The following VSNL1 variants were observed in gnomAD, a reference collection of about 807,000 sequenced individuals.
VSNL1 encodes visinin like 1.
Under a neutral mutation model 20.4 loss-of-function variants are expected in VSNL1, and 6 were observed. The observed-to-expected ratio is 0.29, with a 90% CI of 0.16 to 0.58. The LOEUF (loss-of-function observed/expected upper bound fraction) is 0.58. Ranked by LOEUF, VSNL1 falls within the 20% of genes least tolerant of loss-of-function variation. The pLI is 0.90. For synonymous variants in VSNL1, 93 were observed against 86.4 expected (o/e 1.08, Z -0.42); for missense variants, 100 against 234.5 (o/e 0.43, Z 3.75).
At chr2:17,582,061 T>A (rs1156568904) in intron 1 of VSNL1, among the ~76,000 whole-genome samples, 1 of 152,146 alleles carries the variant, frequency 6.6e-6, no homozygotes. Context: ...CATCTTGAAA[T>A]ATCAGTGGGA....
intron 1 of VSNL1, among the ~76,000 whole-genome samples, chr2:17,558,079 A>G (rs1663731048): frequency 6.6e-6 from 1 of 152,204 alleles, no homozygotes. Flanking sequence ...TAGGAATTAG[A>G]TAGACAAAGG....
chr2:17,621,202 T>TCTTC (rs1665346872), intron 2 of VSNL1, among the ~76,000 whole-genome samples: 1 of 152,022 alleles, frequency 6.6e-6, no homozygotes, highest in African/African-American at 2.4e-5. Flanking sequence ...ATCAACAGTT[T>TCTTC]CTTCCTTCCT....
chr2:17,561,100 AAGAT>A (rs1663802779), intron 1 of VSNL1, among the ~76,000 whole-genome samples: 1 of 152,228 alleles, frequency 6.6e-6, no homozygotes, highest in Non-Finnish European at 1.5e-5. Flanking sequence ...TACTGGAAAA[AAGAT>A]AGAAACAAAA....
In VSNL1 at chr2:17,649,976, C is replaced by T. The variant is rs556341751; in HGVS notation, c.378+351C>T. Among the ~76,000 whole-genome samples, 3 of 152,286 alleles carry T rather than the reference C, an allele frequency of 2.0e-5. No individual in the cohort carries two copies. Among genetic ancestry groups the T allele is most frequent in the South Asian group, 2.1e-4 (1 of 4,826 alleles). On this transcript the variant is annotated intron_variant, in intron 3 of 3. Transcript: ENST00000295156. The surrounding 1 kb of genome is among the most constrained non-coding windows in gnomAD (Gnocchi z 6.4). ...ACTCCAGCTGCGCCTAGTGGGGACC[C>T]GAGGCTGTCAGGGGCTCCCGGGACA...
intron 2 of VSNL1, among the ~76,000 whole-genome samples, chr2:17,639,916 CA>C (rs572021055): frequency 2.3e-3 from 349 of 152,324 alleles, no homozygotes; most frequent in African/African-American, 7.8e-3. Context: ...GGTCCCAGCC[CA>C]GCAGCCAATT....
At chr2:17,545,247 G>A (rs1463910193) in intron 1 of VSNL1, among the ~76,000 whole-genome samples, 1 of 151,798 alleles carries the variant, frequency 6.6e-6, no homozygotes, top group Non-Finnish European at 1.5e-5. Context: ...AAGTATCTTT[G>A]TTAGTAACGA....
chr2:17,558,285 C>G (rs1289915253), intron 1 of VSNL1, among the ~76,000 whole-genome samples: 1 of 152,130 alleles, frequency 6.6e-6, no homozygotes, highest in African/African-American at 2.4e-5. Flanking sequence ...AGCTCAGTCA[C>G]AAAATATTTT....
chr2:17,574,231 A>G (rs1664151353), intron 1 of VSNL1, among the ~76,000 whole-genome samples: 1 of 151,122 alleles, frequency 6.6e-6, no homozygotes, highest in African/African-American at 2.4e-5. Context: ...TTATATTTCT[A>G]TCAAAAAGTC....
At chr2:17,619,895 GC>G (rs1665316871) in intron 2 of VSNL1, among the ~76,000 whole-genome samples, 1 of 151,402 alleles carries the variant, frequency 6.6e-6, no homozygotes, top group Non-Finnish European at 1.5e-5. Flanking sequence ...CCCCCAAAAG[GC>G]CCCCAGCAAT....
In VSNL1 at chr2:17,655,518, C is replaced by T. The variant is rs1558314435; in HGVS notation, c.*124C>T. Reference sequence around the variant, plus strand: ...ACACACACAAATATTGCTTGGACTACCTATAAATGGACTTGCTTCTTGTGT... The same window carrying T: ...ACACACACAAATATTGCTTGGACTATCTATAAATGGACTTGCTTCTTGTGT... On this transcript the variant is annotated 3_prime_UTR_variant, in exon 4 of 4. Transcript: ENST00000295156. This position sits in a 1 kb window ranked among gnomAD's most constrained non-coding sequence, Gnocchi z 5.2. 2.2e-6 allele frequency: 2 copies of T among 890,912 alleles called. No individual in the cohort carries two copies. Among genetic ancestry groups the T allele is most frequent in the Non-Finnish European group, 3.4e-6 (2 of 596,532 alleles). 55.2% of individuals were successfully genotyped at this position (890,912 alleles called of 1,614,324 possible). A position where few individuals can be genotyped will look rare whatever the true frequency, so the allele number is the denominator to read the frequency against.
chr2:17,578,966 C>T (rs894924756), intron 1 of VSNL1, among the ~76,000 whole-genome samples: 5 of 152,202 alleles, frequency 3.3e-5, no homozygotes, highest in African/African-American at 9.6e-5. Context: ...TCTCCTTCTA[C>T]GCAACTCCTC....
chr2:17,563,509 A>G (rs1663865861), intron 1 of VSNL1, among the ~76,000 whole-genome samples: 1 of 152,150 alleles, frequency 6.6e-6, no homozygotes, highest in Admixed American at 6.5e-5. Flanking sequence ...TAAATAGGTA[A>G]TTGCTGAATA....
intron 1 of VSNL1, among the ~76,000 whole-genome samples, chr2:17,544,445 G>A (rs932392343): frequency 1.3e-5 from 2 of 152,080 alleles, no homozygotes; most frequent in African/African-American, 4.8e-5. Context: ...TAAGTGCCCC[G>A]CTTTGGTTTA....
chr2:17,631,823 A>C (rs2710680), intron 2 of VSNL1, among the ~76,000 whole-genome samples: 107,635 of 152,192 alleles, frequency 0.71, 39,662 homozygotes, highest in Middle Eastern at 0.89. Flanking sequence ...TGTAAACATG[A>C]AGAATGCAGA....
At position 17,649,600 on chromosome 2, in the gene VSNL1, G is replaced by T; in HGVS notation, c.353G>T (p.Arg118Leu). 2 of 1,614,126 alleles carry T rather than the reference G, an allele frequency of 1.2e-6. No individual in the cohort carries two copies. The highest frequency in any genetic ancestry group is 2.2e-5 in the South Asian group (2 of 91,058). The change falls in exon 3 of 4, where the codon CGA becomes CTA. Residue 118 changes from arginine to leucine, a missense_variant. Physicochemically the swap from Arg to Leu is moderately radical, Grantham distance 102. Coordinates refer to ENST00000295156, the MANE Select transcript of VSNL1 (RefSeq NM_003385.5). This position sits in a 1 kb window ranked among gnomAD's most constrained non-coding sequence, Gnocchi z 6.4. ...CTGGATGGTGATGGCAAGATCACCC[G>T]AGTGGAGATGCTGGAGATCATCGAG... ...YDLDGDGKIT[R>L]VEMLEIIEAI...
intron 1 of VSNL1, among the ~76,000 whole-genome samples, chr2:17,585,920 T>C (rs1446115057): frequency 6.6e-6 from 1 of 151,932 alleles, no homozygotes; most frequent in Admixed American, 6.6e-5. Context: ...GCAATTCTCC[T>C]GTCTCAGCCT....
chr2:17,592,363 CAG>C, intron 2 of VSNL1, 127 bp downstream of exon 2: 13 of 1,022,966 alleles, frequency 1.3e-5, no homozygotes, highest in Non-Finnish European at 1.8e-5. Context: ...GTTTTCCATC[CAG>C]AAAGAAAAAT....
At chr2:17,633,335 T>G (rs1409007288) in intron 2 of VSNL1, among the ~76,000 whole-genome samples, 1 of 124,672 alleles carries the variant, frequency 8.0e-6, no homozygotes, top group Non-Finnish European at 1.6e-5. Context: ...TCACCCCATC[T>G]TTACTAAAAA....
chr2:17,608,194 GA>G (rs1664998962), intron 2 of VSNL1, among the ~76,000 whole-genome samples: 1 of 152,158 alleles, frequency 6.6e-6, no homozygotes, highest in Non-Finnish European at 1.5e-5. Context: ...TCTTTTAGAA[GA>G]AATGCAAGGA....
Sources: allele counts gnomAD v4.1 joint callset (sites outside exome capture counted in the v4.1 genomes callset), GRCh38; gene constraint gnomAD v4.1.1; non-coding constraint Gnocchi (gnomAD v3.1); transcripts MANE v1.5; gene names NCBI Gene and HGNC (gene_info 2026-07-23, HGNC 2026-07-21).